Variants in COL5A1 observed in about 807,000 individuals in gnomAD.
COL5A1 encodes collagen type V alpha 1 chain.
COL5A1 carries 16 observed loss-of-function variants against 263.7 expected under a neutral mutation model. That is an observed-to-expected ratio of 0.06 (90% CI 0.04 to 0.09). The LOEUF is 0.09. Ranked by LOEUF, COL5A1 falls within the 10% of genes least tolerant of loss-of-function variation. The pLI is 1.00. For missense variants in COL5A1, 2,036 were observed against 2,540.5 expected (o/e 0.80, Z 4.27); for synonymous variants, 1,012 against 1,004.5 (o/e 1.01, Z -0.14).
At chr9:134,643,483 AAC>A (rs980540788) in intron 1 of COL5A1, among the ~76,000 whole-genome samples, 15 of 152,136 alleles carry the variant, frequency 9.9e-5, no homozygotes, top group Non-Finnish European at 1.9e-4. Context: ...TGTCAATTAA[AAC>A]ACTCTTTTCC....
chr9:134,684,396 C>A (rs940195821), intron 1 of COL5A1, among the ~76,000 whole-genome samples: 7 of 152,236 alleles, frequency 4.6e-5, no homozygotes, highest in Non-Finnish European at 7.3e-5. Context: ...CTTCAGCCAC[C>A]TGGCTGCCAG....
chr9:134,731,543 C>T lies in COL5A1; in HGVS notation c.1212C>T (p.Phe404=), dbSNP rs1834880484. ...GEGADDLEGE[F]TEETIRNLDE... is the part of the protein sequence containing the mutation. The stretch of plus-strand genomic sequence containing the variant: ...GTGCGGATGACTTGGAGGGGGAGTT[C>T]ACTGAGGAAACGATCCGGAACCTTG... Residue 404 remains phenylalanine, a synonymous_variant, in exon 8 of 66, where the codon TTC becomes TTT. Coordinates refer to ENST00000371817, the MANE Select transcript of COL5A1 (RefSeq NM_000093.5). The T allele has an allele frequency of 6.2e-6, 10 of 1,614,218 alleles. No homozygotes were observed. Among genetic ancestry groups the T allele is most frequent in the Non-Finnish European group, 8.5e-6 (10 of 1,180,028 alleles).
chr9:134,712,155 C>T (rs1834076377), intron 4 of COL5A1, among the ~76,000 whole-genome samples: 2 of 102,314 alleles, frequency 2.0e-5, no homozygotes, highest in South Asian at 4.7e-4. Context: ...TGTCCTCCTC[C>T]TTCCTGCCCA....
intron 11 of COL5A1, among the ~76,000 whole-genome samples, chr9:134,747,848 C>T (rs1300260847): frequency 6.6e-6 from 1 of 151,424 alleles, no homozygotes; most frequent in Non-Finnish European, 1.5e-5. Context: ...GACACATGCA[C>T]ACATGCATTC....
At chr9:134,768,271 A>C (rs529788905) in intron 24 of COL5A1, 139 bp from the exon 25 acceptor site, 44 of 821,564 alleles carry the variant, frequency 5.4e-5, no homozygotes, top group Non-Finnish European at 8.8e-5. Context: ...CCTCACAGCC[A>C]GGGACCCAGT....
intron 42 of COL5A1, 148 bp from the exon 43 acceptor site, chr9:134,809,035 C>T (rs922101880): frequency 5.6e-5 from 42 of 752,944 alleles, no homozygotes; most frequent in South Asian, 3.2e-4. Context: ...CTCAGTGGCC[C>T]TGGCTGAAAT....
chr9:134,760,559 TACACACCCACACACCCCCACACTCAGACA>T (rs1564440516), intron 18 of COL5A1, among the ~76,000 whole-genome samples: 48 of 30,504 alleles, frequency 1.6e-3, no homozygotes, highest in Middle Eastern at 0.021. Context: ...CACACGCACA[TACACACCCACACACCCCCACACTCAGACA>T]CATGCACACA....
chr9:134,775,111 TAG>T (rs1837005287), intron 27 of COL5A1, among the ~76,000 whole-genome samples, 199 bp downstream of exon 27: 1 of 152,192 alleles, frequency 6.6e-6, no homozygotes, highest in African/African-American at 2.4e-5. Context: ...TGTGACCAGC[TAG>T]AGTCAGGAGG....
intron 1 of COL5A1, among the ~76,000 whole-genome samples, chr9:134,679,090 G>A (rs1046481647): frequency 6.6e-6 from 1 of 152,214 alleles, no homozygotes; most frequent in Non-Finnish European, 1.5e-5. Flanking sequence ...CACCCTTAAA[G>A]TGATACCCTG....
chr9:134,825,990 T>C, intron 63 of COL5A1, 86 bp downstream of exon 63: 2 of 820,736 alleles, frequency 2.4e-6, no homozygotes, highest in Non-Finnish European at 2.1e-6. Context: ...TTCTTGTATA[T>C]GCAGCTTTAA....
chr9:134,804,699 C>T (rs991027877), intron 39 of COL5A1, among the ~76,000 whole-genome samples: 1 of 152,230 alleles, frequency 6.6e-6, no homozygotes, highest in Non-Finnish European at 1.5e-5. Context: ...CCAGTCACGA[C>T]TCTGAAAAGT....
chr9:134,805,970 T>C (rs2132829771), intron 41 of COL5A1, among the ~76,000 whole-genome samples: 1 of 152,056 alleles, frequency 6.6e-6, no homozygotes, highest in East Asian at 1.9e-4. Context: ...GGGCACACTG[T>C]CAGACACCAG....
At chr9:134,835,611 C>T (rs894154159) in intron 65 of COL5A1, among the ~76,000 whole-genome samples, 4 of 152,328 alleles carry the variant, frequency 2.6e-5, no homozygotes, top group East Asian at 1.9e-4. Context: ...CCCGAGAGCA[C>T]GGCCGTCTGG....
intron 26 of COL5A1, 91 bp downstream of exon 26, chr9:134,772,925 C>A: frequency 2.2e-6 from 3 of 1,360,486 alleles, no homozygotes; most frequent in Non-Finnish European, 2.1e-6. Context: ...GGACATCCAG[C>A]TTGGAAAGGA....
At chr9:134,761,418 G>A (rs1836437613) in intron 18 of COL5A1, among the ~76,000 whole-genome samples, 1 of 152,226 alleles carries the variant, frequency 6.6e-6, no homozygotes, top group Non-Finnish European at 1.5e-5. Flanking sequence ...ATCCAAAGCT[G>A]CTACATGTAT....
At chr9:134,777,341 C>T (rs374934156) in intron 27 of COL5A1, among the ~76,000 whole-genome samples, 9 of 152,344 alleles carry the variant, frequency 5.9e-5, no homozygotes, top group East Asian at 5.8e-4. Flanking sequence ...GGCGGCTGGC[C>T]GGCCGAGTCA....
At chr9:134,709,170 A>G in intron 4 of COL5A1, 1 of 352,722 alleles carries the variant, frequency 2.8e-6, no homozygotes, top group South Asian at 2.1e-5. Context: ...CCACTTCCCT[A>G]CACCAGCGTG....
intron 1 of COL5A1, among the ~76,000 whole-genome samples, chr9:134,663,009 G>A (rs941542545): frequency 6.6e-6 from 1 of 152,206 alleles, no homozygotes; most frequent in Non-Finnish European, 1.5e-5. Flanking sequence ...CATTCAACTC[G>A]CCACACATTT....
chr9:134,672,219 CATTT>C, intron 1 of COL5A1, among the ~76,000 whole-genome samples: 1 of 152,140 alleles, frequency 6.6e-6, no homozygotes, highest in East Asian at 1.9e-4. Flanking sequence ...TTATTCCATT[CATTT>C]GTTATAAAAG....
Sources: allele counts gnomAD v4.1 joint callset (sites outside exome capture counted in the v4.1 genomes callset), GRCh38; gene constraint gnomAD v4.1.1; transcripts MANE v1.5; gene names NCBI Gene and HGNC (gene_info 2026-07-23, HGNC 2026-07-21).